EMP2: variants seen among roughly 807,000 people sequenced by gnomAD.
The protein encoded by EMP2 is epithelial membrane protein 2.
A neutral mutation model predicts 13.7 loss-of-function variants in EMP2; 19 were observed. The observed-to-expected ratio is 1.38, with a 90% CI of 0.97 to 2.03. EMP2 has a LOEUF of 2.03. EMP2 is among the 30% of genes most tolerant of loss of function. The pLI is 0.00. For missense variants in EMP2, 253 were observed against 220.7 expected (o/e 1.15, Z -0.93); for synonymous variants, 97 against 84.7 (o/e 1.15, Z -0.80).
intron 1 of EMP2, among the ~76,000 whole-genome samples, chr16:10,548,084 G>T (rs1188622163): frequency 6.6e-6 from 1 of 152,102 alleles, no homozygotes; most frequent in Non-Finnish European, 1.5e-5. Context: ...CAAAAACAGT[G>T]CTCCCCATCT....
intron 1 of EMP2, among the ~76,000 whole-genome samples, chr16:10,549,351 C>T (rs1458073256): frequency 1.3e-5 from 2 of 152,194 alleles, no homozygotes; most frequent in African/African-American, 4.8e-5. Context: ...CTTGTCTGAG[C>T]TGGAGAAGTT....
At chr16:10,557,012 T>G (rs535313919) in intron 1 of EMP2, among the ~76,000 whole-genome samples, 2 of 152,214 alleles carry the variant, frequency 1.3e-5, no homozygotes, top group African/African-American at 4.8e-5. Flanking sequence ...CACTGGCCCA[T>G]TCGCTAAGGT....
chr16:10,571,603 G>A (rs2050948048), intron 1 of EMP2, among the ~76,000 whole-genome samples: 1 of 152,216 alleles, frequency 6.6e-6, no homozygotes, highest in Non-Finnish European at 1.5e-5. Flanking sequence ...TGGGGCAGGG[G>A]AAGAGTGACT....
chr16:10,551,532 C>G (rs983913759), intron 1 of EMP2, among the ~76,000 whole-genome samples: 27 of 152,198 alleles, frequency 1.8e-4, no homozygotes, highest in Non-Finnish European at 4.4e-5. Flanking sequence ...TCAGCCTCCC[C>G]AGTAGCTGGG....
At chr16:10,536,638 T>C (rs1233198085) in intron 4 of EMP2, among the ~76,000 whole-genome samples, 1 of 152,182 alleles carries the variant, frequency 6.6e-6, no homozygotes. Context: ...GTCTCGGGTA[T>C]GTCTTTATTA....
chr16:10,563,015 T>C (rs943249772), intron 1 of EMP2, among the ~76,000 whole-genome samples: 2 of 152,130 alleles, frequency 1.3e-5, no homozygotes, highest in Non-Finnish European at 1.5e-5. Context: ...AGAGTGAGGT[T>C]GATGTGGATT....
At chr16:10,552,903 A>T (rs960106177) in intron 1 of EMP2, among the ~76,000 whole-genome samples, 12 of 152,234 alleles carry the variant, frequency 7.9e-5, no homozygotes, top group African/African-American at 2.9e-4. Flanking sequence ...ATACGTTTTC[A>T]AGAGAAGTCA....
intron 2 of EMP2, 72 bp from the exon 3 acceptor site, chr16:10,543,732 C>T (rs765698487): frequency 1.6e-5 from 23 of 1,452,054 alleles, no homozygotes; most frequent in East Asian, 9.1e-5. Context: ...TAATTAGGCA[C>T]GAGGCATGGT....
chr16:10,553,628 C>T (rs1311562612), intron 1 of EMP2, among the ~76,000 whole-genome samples: 2 of 152,162 alleles, frequency 1.3e-5, no homozygotes, highest in African/African-American at 4.8e-5. Flanking sequence ...TAAGCCGCAT[C>T]CTCCAACCTA....
chr16:10,532,740 A>ATTTT lies in EMP2; in HGVS notation c.*161_*164dup, dbSNP rs35927182. On this transcript the variant is annotated 3_prime_UTR_variant, in exon 5 of 5. Transcript: ENST00000359543. ...ATGCAAAAACTCTTCTCTCTTTTGG[A>ATTTT]TTTTTTTTTTCTTTTTTCTTTTTTT... 2.0e-5 allele frequency: 4 copies of ATTTT among 202,990 alleles called. No homozygotes were observed. The highest frequency in any genetic ancestry group is 1.3e-4 in the African/African-American group (4 of 29,788). 12.6% of individuals were successfully genotyped at this position (202,990 alleles called of 1,614,324 possible). A position where few individuals can be genotyped will look rare whatever the true frequency, so the allele number is the denominator to read the frequency against.
At chr16:10,539,450 T>C (rs2050677300) in intron 3 of EMP2, among the ~76,000 whole-genome samples, 1 of 152,128 alleles carries the variant, frequency 6.6e-6, no homozygotes, top group Non-Finnish European at 1.5e-5. Flanking sequence ...TCCCCCACTA[T>C]GACACACACC....
At chr16:10,575,060 C>T (rs987681757) in intron 1 of EMP2, among the ~76,000 whole-genome samples, 2 of 151,862 alleles carry the variant, frequency 1.3e-5, no homozygotes, top group African/African-American at 2.4e-5. Context: ...TAACCTCTGC[C>T]TACTCTCTCA....
At chr16:10,544,868 G>C (rs1413414527) in intron 2 of EMP2, 1 of 152,274 alleles carries the variant, frequency 6.6e-6, no homozygotes, top group Non-Finnish European at 1.5e-5. Flanking sequence ...CTGGGTGACA[G>C]AGAGAGACCC....
chr16:10,571,490 C>T (rs2050947048), intron 1 of EMP2, among the ~76,000 whole-genome samples: 1 of 152,058 alleles, frequency 6.6e-6, no homozygotes, highest in African/African-American at 2.4e-5. Context: ...TATCCAGATT[C>T]CCCAGGAGAT....
intron 1 of EMP2, among the ~76,000 whole-genome samples, chr16:10,562,086 T>C (rs993957621): frequency 3.9e-5 from 6 of 152,140 alleles, no homozygotes; most frequent in Non-Finnish European, 8.8e-5. Context: ...CAGCATTGCC[T>C]TGATTCCAAA....
intron 1 of EMP2, among the ~76,000 whole-genome samples, chr16:10,558,495 G>C (rs926018150): frequency 6.6e-6 from 1 of 152,052 alleles, no homozygotes; most frequent in Non-Finnish European, 1.5e-5. Flanking sequence ...GTGTGTGTGT[G>C]TGTGTGTGTG....
chr16:10,562,376 CTCTCTATCTA>C (rs1204658097), intron 1 of EMP2, among the ~76,000 whole-genome samples: 1 of 132,914 alleles, frequency 7.5e-6, no homozygotes, highest in African/African-American at 3.0e-5. Flanking sequence ...CTCTCTCTCT[CTCTCTATCTA>C]TCTCTCTCTC....
intron 4 of EMP2, among the ~76,000 whole-genome samples, chr16:10,537,508 T>G (rs1229346341): frequency 6.6e-6 from 1 of 152,154 alleles, no homozygotes; most frequent in Non-Finnish European, 1.5e-5. Context: ...CCCTGCTGGT[T>G]CACTTCCCAC....
chr16:10,534,296 A>T (rs1348684168), intron 4 of EMP2, among the ~76,000 whole-genome samples: 3 of 152,330 alleles, frequency 2.0e-5, no homozygotes, highest in East Asian at 3.9e-4. Flanking sequence ...TAAAGATGAC[A>T]GAATAGAAGG....
Sources: allele counts gnomAD v4.1 joint callset (sites outside exome capture counted in the v4.1 genomes callset), GRCh38; gene constraint gnomAD v4.1.1; transcripts MANE v1.5; gene names NCBI Gene and HGNC (gene_info 2026-07-23, HGNC 2026-07-21).